EYS: variants seen among roughly 807,000 people sequenced by gnomAD.
EYS encodes protein eyes shut homolog.
EYS carries 250 observed loss-of-function variants against 282.1 expected under a neutral mutation model. The observed-to-expected ratio is 0.89, with a 90% CI of 0.80 to 0.98. The LOEUF (loss-of-function observed/expected upper bound fraction) is 0.98. EYS is among the 50% of genes least tolerant of loss of function. EYS has a pLI of 0.00. For missense variants in EYS, 4,016 were observed against 3,709.0 expected, an observed-to-expected ratio of 1.08 and a Z score of -2.15; for synonymous variants, 1,355 against 1,282.9, an observed-to-expected ratio of 1.06 and a Z score of -1.20.
chr6:64,944,219 C>T (rs781557604), intron 15 of EYS, among the ~76,000 whole-genome samples: 1 of 151,838 alleles, frequency 6.6e-6, no homozygotes, highest in Non-Finnish European at 1.5e-5. Context: ...GAAAAGTAAC[C>T]CAGGATGGAC....
intron 12 of EYS, among the ~76,000 whole-genome samples, chr6:65,127,436 T>G (rs2150200151): frequency 6.6e-6 from 1 of 152,246 alleles, no homozygotes; most frequent in East Asian, 1.9e-4. Context: ...ATTGTTAAAT[T>G]TTAAATGTAG....
intron 2 of EYS, among the ~76,000 whole-genome samples, chr6:65,638,917 C>T (rs948660336): frequency 3.9e-5 from 6 of 152,192 alleles, no homozygotes; most frequent in Non-Finnish European, 7.3e-5. Flanking sequence ...CCCTAAGGAA[C>T]TCAAGACAGC....
intron 12 of EYS, among the ~76,000 whole-genome samples, chr6:65,251,920 C>A (rs1767335696): frequency 6.6e-6 from 1 of 151,898 alleles, no homozygotes. Flanking sequence ...TTTGTACCAG[C>A]CTTAAGCAAT....
At chr6:65,661,833 T>C (rs1768010760) in intron 1 of EYS, among the ~76,000 whole-genome samples, 1 of 152,118 alleles carries the variant, frequency 6.6e-6, no homozygotes, top group African/African-American at 2.4e-5. Flanking sequence ...GAATACAAAA[T>C]GGCAGCTATT....
chr6:64,891,085 T>C (rs1767277012), intron 18 of EYS, among the ~76,000 whole-genome samples: 1 of 151,948 alleles, frequency 6.6e-6, no homozygotes, highest in African/African-American at 2.4e-5. Context: ...CCTGCTTTGT[T>C]AATAATGATG....
intron 5 of EYS, among the ~76,000 whole-genome samples, chr6:65,472,789 T>A (rs1414884291): frequency 6.6e-6 from 1 of 152,060 alleles, no homozygotes; most frequent in Non-Finnish European, 1.5e-5. Context: ...AACTCACTAT[T>A]TTTCTTACTT....
chr6:64,998,130 A>G (rs1479494253), intron 13 of EYS, among the ~76,000 whole-genome samples: 1 of 152,206 alleles, frequency 6.6e-6, no homozygotes, highest in Non-Finnish European at 1.5e-5. Flanking sequence ...TGTATGACAG[A>G]ATATATTAAA....
Position 63,937,395 on chromosome 6 carries a change from T to TTTTG in EYS, c.7055+46984_7055+46987dup, listed in dbSNP as rs1765099198. On this transcript the variant is annotated intron_variant, in intron 35 of 42. Coordinates refer to ENST00000503581, the MANE Select transcript of EYS (RefSeq NM_001142800.2). ...TTTTTTTTTTTTTTTTTTTTTTTTT[T>TTTTG]TTTGAGACGGAGTCTCACTTTGTTG... 1.8e-5 allele frequency among the ~76,000 whole-genome samples: 2 copies of TTTTG among 109,664 alleles called. 1 individual carries two copies. Among genetic ancestry groups the TTTTG allele is most frequent in the African/African-American group, 7.6e-5 (2 of 26,438 alleles). 71.9% of individuals were successfully genotyped at this position (109,664 alleles called of 152,430 possible). A position where few individuals can be genotyped will look rare whatever the true frequency, so the allele number is the denominator to read the frequency against.
intron 22 of EYS, among the ~76,000 whole-genome samples, chr6:64,811,113 A>G (rs1479876641): frequency 6.6e-6 from 1 of 152,114 alleles, no homozygotes; most frequent in Non-Finnish European, 1.5e-5. Flanking sequence ...CTTCTATCCT[A>G]GAATATGAGT....
chr6:65,396,743 T>C (rs1766292230), intron 7 of EYS, among the ~76,000 whole-genome samples: 1 of 152,056 alleles, frequency 6.6e-6, no homozygotes, highest in South Asian at 2.1e-4. Flanking sequence ...CTCACTTGGA[T>C]TACTATTTCA....
At chr6:65,261,669 G>T (rs1167637669) in intron 12 of EYS, among the ~76,000 whole-genome samples, 1 of 152,012 alleles carries the variant, frequency 6.6e-6, no homozygotes, top group African/African-American at 2.4e-5. Flanking sequence ...TAAGGTCATG[G>T]CTTGAGCCTA....
At chr6:65,341,047 A>G (rs1285127210) in intron 10 of EYS, among the ~76,000 whole-genome samples, 1 of 151,052 alleles carries the variant, frequency 6.6e-6, no homozygotes, top group East Asian at 2.0e-4. Context: ...ATATATACAA[A>G]TAGGAAAACT....
chr6:63,813,852 GT>G (rs1771110307), intron 36 of EYS, among the ~76,000 whole-genome samples: 1 of 152,168 alleles, frequency 6.6e-6, no homozygotes, highest in Non-Finnish European at 1.5e-5. Context: ...CAGAATGCCA[GT>G]TTTCCAACCA....
At chr6:64,225,524 T>C (rs772756636) in intron 31 of EYS, among the ~76,000 whole-genome samples, 125 of 152,060 alleles carry the variant, frequency 8.2e-4, no homozygotes, top group Non-Finnish European at 1.5e-3. Flanking sequence ...TGAGAAAAAT[T>C]AGACTTCCCA....
chr6:64,818,406 G>A (rs991894275), intron 21 of EYS, among the ~76,000 whole-genome samples: 4 of 152,098 alleles, frequency 2.6e-5, no homozygotes, highest in Admixed American at 6.6e-5. Flanking sequence ...GAAACAGGAC[G>A]AATAGGATAG....
At chr6:65,031,946 T>G (rs1772618033) in intron 13 of EYS, among the ~76,000 whole-genome samples, 1 of 151,942 alleles carries the variant, frequency 6.6e-6, no homozygotes, top group Non-Finnish European at 1.5e-5. Flanking sequence ...ATTGGTTTCT[T>G]GAAAAAATAT....
chr6:65,098,293 A>G (rs531683985), intron 12 of EYS, among the ~76,000 whole-genome samples: 4 of 150,774 alleles, frequency 2.7e-5, no homozygotes, highest in South Asian at 2.1e-4. Flanking sequence ...TAGCGCACAG[A>G]TATTTGTAAC....
At chr6:64,665,071 T>C (rs1251293352) in intron 22 of EYS, among the ~76,000 whole-genome samples, 1 of 152,256 alleles carries the variant, frequency 6.6e-6, no homozygotes, top group Non-Finnish European at 1.5e-5. Context: ...TGGGAATGTG[T>C]AAACATGATA....
At chr6:64,010,398 G>A (rs11759618) in intron 33 of EYS, among the ~76,000 whole-genome samples, 40,045 of 148,688 alleles carry the variant, frequency 0.27, 6,285 homozygotes, top group Middle Eastern at 0.36. Flanking sequence ...TTGGTTGGGG[G>A]GGGGGGTGGT....
Sources: allele counts gnomAD v4.1 joint callset (sites outside exome capture counted in the v4.1 genomes callset), GRCh38; gene constraint gnomAD v4.1.1; transcripts MANE v1.5; gene names NCBI Gene and HGNC (gene_info 2026-07-23, HGNC 2026-07-21).